Variants in CCDC7 observed in about 807,000 individuals in gnomAD.
CCDC7 encodes the protein coiled-coil domain-containing protein 7.
A neutral mutation model predicts 196.9 loss-of-function variants in CCDC7; 183 were observed. The ratio of observed to expected loss-of-function variants is 0.93; its 90% confidence interval spans 0.82 to 1.05. The LOEUF is 1.05. Ranked by LOEUF, CCDC7 falls within the 50% of genes least tolerant of loss-of-function variation. CCDC7 has a pLI of 0.00. For synonymous variants in CCDC7, 525 were observed against 484.6 expected, an observed-to-expected ratio of 1.08 and a Z score of -1.10; for missense variants, 1,540 against 1,482.2, an observed-to-expected ratio of 1.04 and a Z score of -0.64.
chr10:32,467,106 CTT>C (rs35747517), intron 5 of CCDC7, among the ~76,000 whole-genome samples: 9 of 142,612 alleles, frequency 6.3e-5, no homozygotes, highest in Non-Finnish European at 7.7e-5. Context: ...CCTTTGTCCA[CTT>C]TTTTTTTTTT....
Position 32,671,239 on chromosome 10 carries a change from A to G in CCDC7, c.2122+7078A>G, listed in dbSNP as rs143864431. On this transcript the variant is annotated intron_variant, in intron 21 of 41. Transcript: ENST00000639629. ...AAGCTACCTTGATGGTAAGTATTCTATACAGGTATATCAGTTTTAAAACCT... is the reference window on the plus strand; with the variant it reads ...AAGCTACCTTGATGGTAAGTATTCTGTACAGGTATATCAGTTTTAAAACCT... 5.9e-3 allele frequency among the ~76,000 whole-genome samples: 904 copies of G among 152,318 alleles called. 9 individuals are homozygous for G. The highest frequency in any genetic ancestry group is 0.021 in the African/African-American group (862 of 41,566).
At chr10:32,857,660 A>G (rs1015689605) in intron 41 of CCDC7, among the ~76,000 whole-genome samples, 1 of 152,160 alleles carries the variant, frequency 6.6e-6, no homozygotes, top group Admixed American at 6.5e-5. Context: ...ATAGCAATAA[A>G]TGACCACATT....
At chr10:32,470,776 G>A (rs999191908) in intron 5 of CCDC7, among the ~76,000 whole-genome samples, 5 of 152,048 alleles carry the variant, frequency 3.3e-5, no homozygotes, top group African/African-American at 9.7e-5. Flanking sequence ...ATTTTGAGTT[G>A]CATTTATTGT....
At chr10:32,765,315 C>T (rs963598813) in intron 28 of CCDC7, among the ~76,000 whole-genome samples, 2 of 151,826 alleles carry the variant, frequency 1.3e-5, no homozygotes, top group African/African-American at 4.8e-5. Flanking sequence ...GACACTAATT[C>T]CAAAAGGCCA....
intron 13 of CCDC7, among the ~76,000 whole-genome samples, chr10:32,562,903 C>T (rs1393354597): frequency 6.6e-6 from 1 of 152,104 alleles, no homozygotes; most frequent in Non-Finnish European, 1.5e-5. Flanking sequence ...GCTAGAAAAC[C>T]CCATTGTCTT....
At chr10:32,476,590 C>T (rs2039021145) in intron 8 of CCDC7, among the ~76,000 whole-genome samples, 1 of 113,576 alleles carries the variant, frequency 8.8e-6, no homozygotes, top group South Asian at 3.0e-4. Context: ...AGCATGACTG[C>T]TAAGTCATAT....
chr10:32,474,990 G>A (rs2038699779), intron 8 of CCDC7, among the ~76,000 whole-genome samples: 1 of 152,198 alleles, frequency 6.6e-6, no homozygotes, highest in African/African-American at 2.4e-5. Flanking sequence ...GCACTCCCAA[G>A]TTCTATAGAG....
At chr10:32,760,330 GA>G (rs1343859177) in intron 28 of CCDC7, among the ~76,000 whole-genome samples, 3 of 152,026 alleles carry the variant, frequency 2.0e-5, no homozygotes, top group African/African-American at 7.2e-5. Context: ...CAATAGCAAA[GA>G]CTTGGAACCA....
At chr10:32,470,209 CTT>C (rs1463401180) in intron 5 of CCDC7, among the ~76,000 whole-genome samples, 4 of 152,150 alleles carry the variant, frequency 2.6e-5, no homozygotes, top group Non-Finnish European at 5.9e-5. Flanking sequence ...TAGAATTTAT[CTT>C]TGCGAAGTCC....
intron 18 of CCDC7, among the ~76,000 whole-genome samples, chr10:32,598,496 G>C (rs1027527273): frequency 6.6e-6 from 1 of 152,128 alleles, no homozygotes; most frequent in Non-Finnish European, 1.5e-5. Flanking sequence ...CTGCACCCAC[G>C]TGTCTGGGAA....
intron 8 of CCDC7, among the ~76,000 whole-genome samples, chr10:32,484,627 G>A (rs550878043): frequency 5.9e-5 from 9 of 152,262 alleles, no homozygotes; most frequent in African/African-American, 1.9e-4. Context: ...GATATTGGCC[G>A]TGGGTTTGTC....
intron 16 of CCDC7, among the ~76,000 whole-genome samples, chr10:32,574,827 C>T (rs1264936654): frequency 8.5e-5 from 13 of 152,056 alleles, no homozygotes; most frequent in African/African-American, 2.4e-4. Context: ...CTATCAAGCA[C>T]GAAAACATAC....
At chr10:32,560,264 G>C (rs1274985042) in intron 13 of CCDC7, among the ~76,000 whole-genome samples, 1 of 152,188 alleles carries the variant, frequency 6.6e-6, no homozygotes, top group Non-Finnish European at 1.5e-5. Context: ...TATTATCCAG[G>C]AGAACTTCCC....
At chr10:32,668,206 T>C (rs2073244866) in intron 21 of CCDC7, among the ~76,000 whole-genome samples, 1 of 152,216 alleles carries the variant, frequency 6.6e-6, no homozygotes, top group South Asian at 2.1e-4. Context: ...TTGTGATTTT[T>C]GCACATTGAT....
In CCDC7 at chr10:32,559,829, T is replaced by C. The variant is rs187485002; in HGVS notation, c.1135-5729T>C. Among the ~76,000 whole-genome samples the C allele has an allele frequency of 7.9e-3, 1,202 of 152,292 alleles. 7 individuals are homozygous for C. The highest frequency in any genetic ancestry group is 0.02 in the Middle Eastern group (6 of 294). Reference sequence around the variant, plus strand: ...GGAAGAAAGCTGGATGGAGAATGACTTTGACGAGTTGAGAGAAGAAGGCTT... The same window carrying C: ...GGAAGAAAGCTGGATGGAGAATGACCTTGACGAGTTGAGAGAAGAAGGCTT... On this transcript the variant is annotated intron_variant, in intron 13 of 41. Transcript: ENST00000639629.
chr10:32,462,537 A>C (rs546198006), intron 3 of CCDC7, 146 bp from the exon 5 acceptor site: 2 of 565,088 alleles, frequency 3.5e-6, no homozygotes, highest in South Asian at 1.0e-4. Context: ...AAAAATTTTA[A>C]GTTTCAACTA....
intron 20 of CCDC7, among the ~76,000 whole-genome samples, chr10:32,643,360 A>G (rs1467317124): frequency 6.6e-6 from 1 of 151,970 alleles, no homozygotes; most frequent in African/African-American, 2.4e-5. Flanking sequence ...ATCTCTTTTC[A>G]TCTACTTGTT....
At chr10:32,777,463 C>T (rs1171659966) in intron 28 of CCDC7, among the ~76,000 whole-genome samples, 1 of 152,206 alleles carries the variant, frequency 6.6e-6, no homozygotes, top group African/African-American at 2.4e-5. Flanking sequence ...CCAAACTGCT[C>T]TCCAAGTGTT....
chr10:32,739,160 G>T lies in CCDC7; in HGVS notation c.2905+9703G>T, dbSNP rs2085393275. On this transcript the variant is annotated intron_variant, in intron 28 of 41. Coordinates refer to ENST00000639629, the Ensembl canonical transcript of CCDC7. The stretch of plus-strand genomic sequence containing the variant: ...TTTTTTATGTTCTCTGAGCATCTAG[G>T]ATCTGTGGTTTGATGTCTACCATTA... 3.3e-5 allele frequency among the ~76,000 whole-genome samples: 5 copies of T among 151,902 alleles called. No individual in the cohort carries two copies. In the South Asian group the frequency reaches 1.0e-3, roughly 32 times the overall value.
Sources: allele counts gnomAD v4.1 joint callset (sites outside exome capture counted in the v4.1 genomes callset), GRCh38; gene constraint gnomAD v4.1.1; transcripts MANE v1.5; gene names NCBI Gene and HGNC (gene_info 2026-07-23, HGNC 2026-07-21).